PTPRG: variants seen among roughly 807,000 people sequenced by gnomAD.
PTPRG encodes the protein protein tyrosine phosphatase receptor type G.
Under a neutral mutation model 165.3 loss-of-function variants are expected in PTPRG, and 102 were observed. That is an observed-to-expected ratio of 0.62 (90% CI 0.53 to 0.73). The LOEUF is 0.73. PTPRG is among the 30% of genes least tolerant of loss of function. The pLI is 0.00. For synonymous variants in PTPRG, 675 were observed against 669.5 expected (o/e 1.01, Z -0.13); for missense variants, 1,866 against 1,861.4 (o/e 1.00, Z -0.05).
chr3:61,871,450 C>T (rs2037581143), intron 2 of PTPRG, among the ~76,000 whole-genome samples: 1 of 151,962 alleles, frequency 6.6e-6, no homozygotes, highest in Admixed American at 6.6e-5. Context: ...GCAATCCTCC[C>T]ACCTTGGCTT....
intron 2 of PTPRG, among the ~76,000 whole-genome samples, chr3:61,783,175 C>G (rs73089583): frequency 1.3e-5 from 2 of 152,210 alleles, no homozygotes; most frequent in African/African-American, 2.4e-5. Flanking sequence ...GACCCTGTCT[C>G]CACTAAAAAT....
At chr3:61,773,120 C>T (rs999753619) in intron 2 of PTPRG, among the ~76,000 whole-genome samples, 1 of 152,046 alleles carries the variant, frequency 6.6e-6, no homozygotes, top group African/African-American at 2.4e-5. Context: ...TGTGTGTTAT[C>T]GGCTGGTGTA....
At chr3:61,963,649 C>T (rs1001185951) in intron 2 of PTPRG, among the ~76,000 whole-genome samples, 3 of 151,996 alleles carry the variant, frequency 2.0e-5, no homozygotes, top group East Asian at 1.9e-4. Context: ...GTATAAATGA[C>T]GAAATTGTTA....
chr3:62,231,158 A>G lies in PTPRG; in HGVS notation c.2289-67A>G, dbSNP rs878996933. 1.4e-5 allele frequency: 18 copies of G among 1,252,930 alleles called. No individual in the cohort carries two copies. In the South Asian group the frequency reaches 2.2e-4, roughly 16 times the overall value. 77.6% of individuals were successfully genotyped at this position (1,252,930 alleles called of 1,614,324 possible). Reference sequence around the variant, plus strand: ...ATGGGAGGGGAGGGCATTTGTATGCAACTCTTGGTGGCCAATTGAAAATAC... The same window carrying G: ...ATGGGAGGGGAGGGCATTTGTATGCGACTCTTGGTGGCCAATTGAAAATAC... On this transcript the variant is annotated intron_variant, in intron 13 of 29. Transcript: ENST00000474889.
chr3:62,286,394 G>A (rs1702660836), intron 28 of PTPRG, among the ~76,000 whole-genome samples: 1 of 151,970 alleles, frequency 6.6e-6, no homozygotes, highest in Non-Finnish European at 1.5e-5. Context: ...CAGTGTCAGG[G>A]TTATAACTCT....
Position 61,696,305 on chromosome 3 carries a change from C to T in PTPRG, c.86-52573C>T, listed in dbSNP as rs567083212. Among the ~76,000 whole-genome samples, 23 of 152,268 alleles carry T rather than the reference C, an allele frequency of 1.5e-4. 1 individual carries two copies. The South Asian group carries it at 3.5e-3, about 23-fold the overall frequency. ...TCGCCTGAGGCCAGGAGTTCGAGAC[C>T]GGTCTGACCAACATGGGGAAACCCT... On this transcript the variant is annotated intron_variant, in intron 1 of 29. Transcript: ENST00000474889.
At chr3:61,857,079 T>G (rs1254132570) in intron 2 of PTPRG, among the ~76,000 whole-genome samples, 1 of 152,148 alleles carries the variant, frequency 6.6e-6, no homozygotes. Context: ...TTTCTGTGTG[T>G]GTCTAGTATC....
At position 62,271,166 on chromosome 3, in the gene PTPRG, G is replaced by T. The variant is rs922728051; in HGVS notation, c.3010-217G>T. On this transcript the variant is annotated intron_variant, in intron 20 of 29. Transcript: ENST00000474889. This position sits in a 1 kb window ranked among gnomAD's most constrained non-coding sequence, Gnocchi z 4.1. ...TTCATTCTTAGTACAATCTTAAACA[G>T]TCTTCTCTTCTAAGTGATAGTGACA... 2.0e-5 allele frequency among the ~76,000 whole-genome samples: 3 copies of T among 152,138 alleles called. No individual in the cohort carries two copies. The highest frequency in any genetic ancestry group is 7.2e-5 in the African/African-American group (3 of 41,416).
intron 6 of PTPRG, among the ~76,000 whole-genome samples, chr3:62,137,964 T>C (rs1293892512): frequency 1.3e-5 from 2 of 152,200 alleles, no homozygotes; most frequent in Non-Finnish European, 2.9e-5. Flanking sequence ...CAACTTCTCA[T>C]ATAGTTGTAA....
At chr3:61,597,852 A>C (rs1219597697) in intron 1 of PTPRG, among the ~76,000 whole-genome samples, 4 of 152,204 alleles carry the variant, frequency 2.6e-5, no homozygotes, top group African/African-American at 9.7e-5. Flanking sequence ...CTAATAAGAA[A>C]TTTATCCTCT....
chr3:61,598,663 A>G (rs1170658762), intron 1 of PTPRG, among the ~76,000 whole-genome samples: 1 of 152,128 alleles, frequency 6.6e-6, no homozygotes, highest in Non-Finnish European at 1.5e-5. Flanking sequence ...CCCTGTAACA[A>G]AGTACAACAG....
chr3:61,944,230 T>C (rs2039700456), intron 2 of PTPRG, among the ~76,000 whole-genome samples: 1 of 152,202 alleles, frequency 6.6e-6, no homozygotes, highest in Non-Finnish European at 1.5e-5. Flanking sequence ...CCCTAAACAT[T>C]GCCCAGATGT....
chr3:61,901,299 T>C (rs2038492989), intron 2 of PTPRG, among the ~76,000 whole-genome samples: 1 of 152,240 alleles, frequency 6.6e-6, no homozygotes, highest in Non-Finnish European at 1.5e-5. Flanking sequence ...CAGTGTGTTA[T>C]TGCAAACAAG....
At chr3:61,694,684 T>C (rs887993348) in intron 1 of PTPRG, among the ~76,000 whole-genome samples, 1 of 152,180 alleles carries the variant, frequency 6.6e-6, no homozygotes, top group Non-Finnish European at 1.5e-5. Flanking sequence ...GAATTTCAAA[T>C]TGTGATATAT....
intron 4 of PTPRG, among the ~76,000 whole-genome samples, chr3:62,065,786 A>C (rs1255118411): frequency 6.6e-6 from 1 of 152,180 alleles, no homozygotes; most frequent in South Asian, 2.1e-4. Flanking sequence ...AAATGATAAG[A>C]TGACCTCAGG....
In PTPRG at chr3:61,614,860, A is replaced by T. The variant is rs1324488945; in HGVS notation, c.85+52488A>T. 3.3e-5 allele frequency among the ~76,000 whole-genome samples: 5 copies of T among 152,300 alleles called. No individual in the cohort carries two copies. The East Asian group carries it at 9.6e-4, about 29-fold the overall frequency. On this transcript the variant is annotated intron_variant, in intron 1 of 29. Coordinates refer to ENST00000474889, the MANE Select transcript of PTPRG (RefSeq NM_002841.4). ...TTGTTATAAAATTAGCATCCTCATTATTATGTCTGCCCTTTGGATTTGTAT... is the reference window on the plus strand; with the variant it reads ...TTGTTATAAAATTAGCATCCTCATTTTTATGTCTGCCCTTTGGATTTGTAT...
At chr3:62,066,572 C>G (rs984100299) in intron 4 of PTPRG, among the ~76,000 whole-genome samples, 1 of 152,148 alleles carries the variant, frequency 6.6e-6, no homozygotes, top group Admixed American at 6.5e-5. Flanking sequence ...TCCAGATGCA[C>G]CTAGGGGCCC....
chr3:61,850,080 T>C (rs1207548314), intron 2 of PTPRG, among the ~76,000 whole-genome samples: 1 of 152,240 alleles, frequency 6.6e-6, no homozygotes, highest in Non-Finnish European at 1.5e-5. Flanking sequence ...GTTTTGTGCA[T>C]ATACTACTAG....
chr3:61,840,464 C>T (rs2107326295), intron 2 of PTPRG, among the ~76,000 whole-genome samples: 1 of 152,208 alleles, frequency 6.6e-6, no homozygotes. Context: ...AAGCTTTCTT[C>T]TATTAAAGTG....
Sources: gnomAD v4.1 joint callset for allele counts (sites outside exome capture counted in the v4.1 genomes callset) on GRCh38, gnomAD v4.1.1 for gene constraint, Gnocchi (gnomAD v3.1) non-coding constraint, MANE v1.5 for transcripts, NCBI Gene and HGNC (gene_info 2026-07-23, HGNC 2026-07-21) for gene names.